The following DLG2 variants were observed in gnomAD, a reference collection of about 807,000 sequenced individuals.
DLG2 encodes the protein disks large homolog 2.
A neutral mutation model predicts 132.5 loss-of-function variants in DLG2; 45 were observed. The observed-to-expected ratio is 0.34, with a 90% CI of 0.27 to 0.44. The LOEUF (loss-of-function observed/expected upper bound fraction) is 0.44. Among genes scored for constraint, DLG2 ranks in the 20% least tolerant of loss-of-function variants. DLG2 has a pLI of 1.00. For synonymous variants in DLG2, 424 were observed against 419.6 expected, an observed-to-expected ratio of 1.01 and a Z score of -0.13; for missense variants, 1,045 against 1,196.9, an observed-to-expected ratio of 0.87 and a Z score of 1.87.
chr11:84,516,241 A>C (rs994161517), intron 7 of DLG2, among the ~76,000 whole-genome samples: 1 of 151,608 alleles, frequency 6.6e-6, no homozygotes, highest in African/African-American at 2.4e-5. Context: ...AGTAGAAATA[A>C]ATAAAATAGA....
chr11:85,485,592 C>T (rs970313941), intron 3 of DLG2, among the ~76,000 whole-genome samples: 3 of 152,104 alleles, frequency 2.0e-5, no homozygotes, highest in South Asian at 2.1e-4. Flanking sequence ...GGGGGCAGCT[C>T]TCTTGGCTGG....
chr11:85,590,781 C>T (rs1422248845), intron 3 of DLG2, among the ~76,000 whole-genome samples: 1 of 151,892 alleles, frequency 6.6e-6, no homozygotes, highest in Admixed American at 6.6e-5. Context: ...GCTTTTTTGC[C>T]AGCTACCACA....
chr11:84,563,254 T>C (rs2099434738), intron 6 of DLG2, among the ~76,000 whole-genome samples: 1 of 152,226 alleles, frequency 6.6e-6, no homozygotes, highest in Non-Finnish European at 1.5e-5. Context: ...CAAAACATGA[T>C]GGTGAGTAAA....
intron 10 of DLG2, among the ~76,000 whole-genome samples, chr11:84,088,155 T>C (rs1448290263): frequency 6.6e-6 from 1 of 152,220 alleles, no homozygotes; most frequent in Non-Finnish European, 1.5e-5. Context: ...ATCTATTTTT[T>C]CTTTGTTGCT....
rs1037552984 is a variant in DLG2 at position 85,369,691 on chromosome 11, T to C, written c.41-84326A>G. Among the ~76,000 whole-genome samples the C allele has an allele frequency of 2.0e-5, 3 of 152,156 alleles. No homozygotes were observed. In the East Asian group the frequency reaches 5.8e-4, roughly 29 times the overall value. Reference sequence around the variant, plus strand: ...GGTAAGTGCTTGGCAAGGCTTTGTTTAGCAACCCTGCCTTAGGGGATGAGC... The same window carrying C: ...GGTAAGTGCTTGGCAAGGCTTTGTTCAGCAACCCTGCCTTAGGGGATGAGC... On this transcript the variant is annotated intron_variant, in intron 3 of 27. Coordinates refer to ENST00000376104, the MANE Select transcript of DLG2 (RefSeq NM_001142699.3).
chr11:83,491,337 T>C (rs868831363), intron 21 of DLG2, among the ~76,000 whole-genome samples: 3 of 152,054 alleles, frequency 2.0e-5, no homozygotes, highest in Admixed American at 1.3e-4. Context: ...TCATTATTTA[T>C]GAAACTGTGG....
intron 7 of DLG2, chr11:84,317,089 A>G (rs747181963): frequency 1.2e-6 from 2 of 1,612,722 alleles, no homozygotes; most frequent in African/African-American, 2.7e-5. Flanking sequence ...TCCTGACGGC[A>G]TCCATCCCAT....
At chr11:84,992,337 C>T (rs1233948880) in intron 6 of DLG2, among the ~76,000 whole-genome samples, 4 of 152,128 alleles carry the variant, frequency 2.6e-5, no homozygotes, top group African/African-American at 9.7e-5. Context: ...TGAACCAACC[C>T]TTATTGACAA....
At chr11:84,755,616 G>A (rs2066766405) in intron 6 of DLG2, among the ~76,000 whole-genome samples, 2 of 152,162 alleles carry the variant, frequency 1.3e-5, no homozygotes, top group Admixed American at 1.3e-4. Context: ...GTGGAGACGG[G>A]GTTACACCGT....
intron 6 of DLG2, among the ~76,000 whole-genome samples, chr11:85,052,940 A>G (rs945173943): frequency 1.3e-5 from 2 of 152,170 alleles, no homozygotes; most frequent in African/African-American, 4.8e-5. Flanking sequence ...AGCCTTTCTT[A>G]AATCAATTTA....
chr11:85,265,841 A>G (rs2077181119), intron 4 of DLG2, among the ~76,000 whole-genome samples: 1 of 152,218 alleles, frequency 6.6e-6, no homozygotes, highest in Non-Finnish European at 1.5e-5. Context: ...ACTTCAGGGA[A>G]GAGTGACCTG....
intron 6 of DLG2, among the ~76,000 whole-genome samples, chr11:84,779,572 G>A (rs1039760324): frequency 2.6e-5 from 4 of 151,760 alleles, no homozygotes; most frequent in Admixed American, 6.6e-5. Flanking sequence ...TTGCCTGATC[G>A]TTCTGGCTAG....
chr11:84,850,413 A>G (rs2082036355), intron 6 of DLG2, among the ~76,000 whole-genome samples: 1 of 152,142 alleles, frequency 6.6e-6, no homozygotes, highest in Admixed American at 6.6e-5. Flanking sequence ...TGAGCAATAA[A>G]TAAACTTTTA....
At chr11:85,470,751 T>C (rs1281049921) in intron 3 of DLG2, among the ~76,000 whole-genome samples, 3 of 152,058 alleles carry the variant, frequency 2.0e-5, no homozygotes, top group Non-Finnish European at 4.4e-5. Flanking sequence ...AAAGAATATT[T>C]TCATGTTACT....
At chr11:83,515,243 G>A (rs562533191) in intron 21 of DLG2, among the ~76,000 whole-genome samples, 2 of 152,050 alleles carry the variant, frequency 1.3e-5, no homozygotes, top group Non-Finnish European at 2.9e-5. Context: ...ACTTCTTCCT[G>A]GTTTAGTCTT....
intron 18 of DLG2, among the ~76,000 whole-genome samples, chr11:83,721,426 C>T (rs1234040875): frequency 6.6e-6 from 1 of 152,192 alleles, no homozygotes; most frequent in African/African-American, 2.4e-5. Flanking sequence ...GCTACTAGCT[C>T]TTCAATTCAC....
At position 83,833,824 on chromosome 11, in the gene DLG2, G is replaced by C. The variant is rs141703788; in HGVS notation, c.1566-54C>G. The C allele has an allele frequency of 1.9e-6, 3 of 1,566,238 alleles. No homozygotes were observed. The African/African-American group carries it at 4.1e-5, about 21-fold the overall frequency. ...AGAGGGTGATCCATTTAAGATTTAC[G>C]TTGCTTTTACTTTCAATGGGATATA... is the stretch of plus-strand genomic sequence containing the variant. On this transcript the variant is annotated intron_variant, in intron 16 of 27. Transcript: ENST00000376104.
chr11:85,562,695 T>G lies in DLG2; in HGVS notation c.40+35962A>C, dbSNP rs543030714. ...TTGTCTCATGCCTTTCATCAAACAG[T>G]AAGTATTCCCTAAAGCCCGATCATG... On this transcript the variant is annotated intron_variant, in intron 3 of 27. Transcript: ENST00000376104. Among the ~76,000 whole-genome samples, 224 of 151,804 alleles carry G rather than the reference T, an allele frequency of 1.5e-3. 6 individuals are homozygous for G. Among genetic ancestry groups the G allele is most frequent in the Middle Eastern group, 6.8e-3 (2 of 294 alleles).
chr11:84,649,795 C>T (rs1322824420), intron 6 of DLG2, among the ~76,000 whole-genome samples: 1 of 152,274 alleles, frequency 6.6e-6, no homozygotes, highest in South Asian at 2.1e-4. Context: ...TGCTTTATGC[C>T]TGCAATCCTG....
Sources: gnomAD v4.1 joint callset for allele counts (sites outside exome capture counted in the v4.1 genomes callset) on GRCh38, gnomAD v4.1.1 for gene constraint, MANE v1.5 for transcripts, NCBI Gene and HGNC (gene_info 2026-07-23, HGNC 2026-07-21) for gene names.